Variants in PRCP observed in about 807,000 individuals in gnomAD.
The protein encoded by PRCP is prolylcarboxypeptidase, also known as lysosomal Pro-X carboxypeptidase.
Under a neutral mutation model 54.2 loss-of-function variants are expected in PRCP, and 46 were observed. The ratio of observed to expected loss-of-function variants is 0.85; its 90% CI spans 0.67 to 1.09. The LOEUF is 1.09. Among genes scored for constraint, PRCP ranks in the 50% least tolerant of loss-of-function variants. The pLI is 0.00. For synonymous variants in PRCP, 240 were observed against 212.2 expected, an observed-to-expected ratio of 1.13 and a Z score of -1.14; for missense variants, 613 against 596.8, an observed-to-expected ratio of 1.03 and a Z score of -0.28.
chr11:82,855,697 T>C (rs907483538), intron 2 of PRCP, among the ~76,000 whole-genome samples: 4 of 151,846 alleles, frequency 2.6e-5, no homozygotes, highest in Non-Finnish European at 5.9e-5. Flanking sequence ...GCAAAAGACA[T>C]GAACAGATAC....
intron 4 of PRCP, 57 bp downstream of exon 4, chr11:82,850,267 C>T: frequency 7.3e-7 from 1 of 1,361,208 alleles, no homozygotes. Context: ...AAATGAATCT[C>T]TAAGTTTCCC....
At chr11:82,857,517 T>C (rs576341699) in intron 2 of PRCP, among the ~76,000 whole-genome samples, 3 of 152,092 alleles carry the variant, frequency 2.0e-5, no homozygotes, top group African/African-American at 7.3e-5. Flanking sequence ...GCCAATCACT[T>C]CATTTTTTCG....
chr11:82,824,752 G>T lies in PRCP; in HGVS notation c.*154C>A. ...AGGAAATCACATTCATGGGACACTT[G>T]CTCTTACCGTCATCACCCTCTATTC... is the stretch of plus-strand genomic sequence containing the variant. On this transcript the variant is annotated 3_prime_UTR_variant, in exon 9 of 9. Transcript: ENST00000313010. 1 of 736,864 alleles carries T rather than the reference G, an allele frequency of 1.4e-6. No homozygotes were observed. Among genetic ancestry groups the T allele is most frequent in the Non-Finnish European group, 2.2e-6 (1 of 458,614 alleles). The allele number at this position is 736,864 out of a possible 1,614,324, so 45.6% of individuals were successfully genotyped here. A position where few individuals can be genotyped will look rare whatever the true frequency, so the allele number is the denominator to read the frequency against.
intron 1 of PRCP, among the ~76,000 whole-genome samples, chr11:82,893,180 T>A (rs1860042488): frequency 6.6e-6 from 1 of 152,358 alleles, no homozygotes; most frequent in Admixed American, 6.5e-5. Flanking sequence ...CTTTTTCCAC[T>A]GCTAAGTGTT....
chr11:82,835,613 G>A (rs145740410), intron 8 of PRCP: 75 of 316,594 alleles, frequency 2.4e-4, no homozygotes, highest in African/African-American at 1.7e-3. Context: ...AGAAAAACCA[G>A]CCGAAGAAGT....
At chr11:82,888,272 A>G (rs1361513123) in intron 1 of PRCP, among the ~76,000 whole-genome samples, 1 of 152,218 alleles carries the variant, frequency 6.6e-6, no homozygotes, top group African/African-American at 2.4e-5. Context: ...TGTGTGGTCA[A>G]TCTGCACCAT....
intron 1 of PRCP, among the ~76,000 whole-genome samples, chr11:82,867,963 A>G (rs947564390): frequency 6.6e-6 from 1 of 152,220 alleles, no homozygotes; most frequent in Non-Finnish European, 1.5e-5. Flanking sequence ...ACTCTTGGAT[A>G]AAAAACAGAC....
At chr11:82,866,013 G>C (rs6592086) in intron 1 of PRCP, among the ~76,000 whole-genome samples, 44,877 of 152,058 alleles carry the variant, frequency 0.3, 8,637 homozygotes, top group African/African-American at 0.55. Flanking sequence ...CACCCTAGAG[G>C]TAGGACAAGA....
intron 8 of PRCP, 47 bp from the exon 9 acceptor site, chr11:82,825,169 G>A (rs758534089): frequency 1.3e-5 from 19 of 1,507,270 alleles, no homozygotes; most frequent in Non-Finnish European, 1.6e-5. Context: ...AGTTTTTCAT[G>A]TTAACACTCA....
chr11:82,886,088 A>T (rs956822886), intron 1 of PRCP, among the ~76,000 whole-genome samples: 1 of 152,162 alleles, frequency 6.6e-6, no homozygotes, highest in African/African-American at 2.4e-5. Context: ...AGTTCCCATT[A>T]ATTTAAATCT....
At chr11:82,891,803 A>G (rs1156323020) in intron 1 of PRCP, among the ~76,000 whole-genome samples, 1 of 152,230 alleles carries the variant, frequency 6.6e-6, no homozygotes, top group Non-Finnish European at 1.5e-5. Flanking sequence ...ATGAATTTAG[A>G]CAGACATTGA....
chr11:82,841,349 C>A lies in PRCP; in HGVS notation c.922-1924G>T, dbSNP rs575016314. 4.0e-5 allele frequency among the ~76,000 whole-genome samples: 6 copies of A among 151,784 alleles called. No homozygotes were observed. In the South Asian group the frequency reaches 1.3e-3, roughly 32 times the overall value. On this transcript the variant is annotated intron_variant, in intron 6 of 8. Transcript: ENST00000313010. ...TGCCTCTCCCCAAATATATTCTGCA[C>A]CACAATATTTCCATGGAATGTTTAT...
intron 6 of PRCP, among the ~76,000 whole-genome samples, chr11:82,844,747 A>AAAAAGAAAGAAAG (rs756222029): frequency 7.8e-4 from 106 of 136,088 alleles, no homozygotes; most frequent in Non-Finnish European, 1.4e-3. Flanking sequence ...AAAAAAAAAA[A>AAAAAGAAAGAAAG]AAAGAAAGAA....
chr11:82,877,742 C>T (rs1859642067), intron 1 of PRCP, among the ~76,000 whole-genome samples: 1 of 152,130 alleles, frequency 6.6e-6, no homozygotes, highest in South Asian at 2.1e-4. Flanking sequence ...GGGGTGGAGC[C>T]CTCATGGAGA....
At chr11:82,839,880 T>C (rs1419679743) in intron 6 of PRCP, 1 of 178,982 alleles carries the variant, frequency 5.6e-6, no homozygotes, top group African/African-American at 2.4e-5. Flanking sequence ...TGCCTATGTT[T>C]CCAAGTTGGG....
chr11:82,844,038 C>G (rs1858741590), intron 6 of PRCP, among the ~76,000 whole-genome samples: 1 of 150,144 alleles, frequency 6.7e-6, no homozygotes, highest in South Asian at 2.1e-4. Flanking sequence ...ACCCAGACGT[C>G]AACCACAAAG....
At chr11:82,853,816 T>C (rs1207547697) in intron 2 of PRCP, among the ~76,000 whole-genome samples, 1 of 152,180 alleles carries the variant, frequency 6.6e-6, no homozygotes, top group Admixed American at 6.5e-5. Flanking sequence ...CAGAATCATA[T>C]AGGCTTTATT....
intron 6 of PRCP, among the ~76,000 whole-genome samples, chr11:82,843,466 C>A (rs985669699): frequency 6.6e-6 from 1 of 152,140 alleles, no homozygotes; most frequent in South Asian, 2.1e-4. Flanking sequence ...TTTGTCTTAA[C>A]CTCATATAAT....
chr11:82,877,675 C>T (rs894343034), intron 1 of PRCP, among the ~76,000 whole-genome samples: 1 of 152,192 alleles, frequency 6.6e-6, no homozygotes, highest in Admixed American at 6.5e-5. Context: ...GGATCCTCTG[C>T]CTAGATTTCA....
Sources: allele counts gnomAD v4.1 joint callset (sites outside exome capture counted in the v4.1 genomes callset), GRCh38; gene constraint gnomAD v4.1.1; transcripts MANE v1.5; gene names NCBI Gene and HGNC (gene_info 2026-07-23, HGNC 2026-07-21).